FSTL4: variants seen among roughly 807,000 people sequenced by gnomAD.
FSTL4 encodes follistatin-related protein 4.
In FSTL4, 28 loss-of-function variants were observed where a neutral mutation model predicts 78.2. That is an observed-to-expected ratio of 0.36 (90% confidence interval 0.27 to 0.49). The LOEUF (loss-of-function observed/expected upper bound fraction) is 0.49, where lower values mean the gene tolerates loss of function less well. Ranked by LOEUF, FSTL4 falls within the 20% of genes least tolerant of loss-of-function variation. The pLI, the probability that FSTL4 is intolerant of heterozygous loss-of-function variation, is 0.98. For missense variants in FSTL4, 922 were observed against 1,084.9 expected, an observed-to-expected ratio of 0.85 and a Z score of 2.11; for synonymous variants, 422 against 440.5, an observed-to-expected ratio of 0.96 and a Z score of 0.53.
At chr5:133,794,833 C>T in the FSTL4 span, among the ~76,000 whole-genome samples, 1 of 152,108 alleles carries the variant, frequency 6.6e-6, no homozygotes, top group Admixed American at 6.5e-5. Context: ...AGCTAGCAGG[C>T]AGAAGACGGG....
chr5:133,819,501 G>A, the FSTL4 span, among the ~76,000 whole-genome samples: 1 of 152,162 alleles, frequency 6.6e-6, no homozygotes, highest in Non-Finnish European at 1.5e-5. Flanking sequence ...TCTGTGCAAC[G>A]ACACTCAGCC....
the FSTL4 span, among the ~76,000 whole-genome samples, chr5:133,767,917 G>A: frequency 6.6e-6 from 1 of 152,324 alleles, no homozygotes; most frequent in Non-Finnish European, 1.5e-5. Flanking sequence ...TAGAGAGAAT[G>A]CAGGACTGAA....
chr5:133,400,818 T>G lies in FSTL4; in HGVS notation c.329A>C (p.Asn110Thr). ...AGCAGCACGGTGGAGCTTACAGTGG[T>G]TTTCATAAAACCTCCCATCAGAGCC... ...VCGSDGRFYE[N>T]HCKLHRAACL... Residue 110 changes from asparagine (N) to threonine (T), a missense_variant, in exon 4 of 16, where the codon AAC becomes ACC. Transcript: ENST00000265342. The G allele has an allele frequency of 6.2e-7, 1 of 1,613,860 alleles. No homozygotes were observed. Among genetic ancestry groups the G allele is most frequent in the Non-Finnish European group, 8.5e-7 (1 of 1,179,974 alleles).
the FSTL4 span, among the ~76,000 whole-genome samples, chr5:133,674,448 C>T: frequency 3.3e-5 from 5 of 151,962 alleles, 1 homozygote; most frequent in East Asian, 9.7e-4. Flanking sequence ...CACAAAGTAA[C>T]CAAAAGAGAA....
At chr5:133,779,786 A>C in the FSTL4 span, among the ~76,000 whole-genome samples, 2 of 151,902 alleles carry the variant, frequency 1.3e-5, no homozygotes, top group South Asian at 2.1e-4. Flanking sequence ...TGGTCTTCTC[A>C]CTGTTCATGT....
the FSTL4 span, among the ~76,000 whole-genome samples, chr5:133,681,593 G>A: frequency 6.6e-6 from 1 of 152,174 alleles, no homozygotes; most frequent in African/African-American, 2.4e-5. Context: ...CTTGACAATT[G>A]TCATTGATAA....
At chr5:133,718,220 G>A in the FSTL4 span, among the ~76,000 whole-genome samples, 142 of 152,122 alleles carry the variant, frequency 9.3e-4, 1 homozygote, top group African/African-American at 3.3e-3. Context: ...AGCCTCCCGA[G>A]TGGTGTGTGC....
intron 14 of FSTL4, among the ~76,000 whole-genome samples, chr5:133,204,696 A>G (rs368280321): frequency 9.7e-4 from 147 of 152,070 alleles, no homozygotes; most frequent in African/African-American, 3.2e-3. Flanking sequence ...GCTGGGTGTA[A>G]TGGCATGTAC....
At chr5:133,636,788 G>A in the FSTL4 span, among the ~76,000 whole-genome samples, 20 of 152,056 alleles carry the variant, frequency 1.3e-4, no homozygotes, top group Middle Eastern at 3.2e-3. Flanking sequence ...TATGGTGCAG[G>A]GTGGTAGAAC....
the FSTL4 span, among the ~76,000 whole-genome samples, chr5:133,622,985 T>G: frequency 2.6e-5 from 4 of 152,270 alleles, no homozygotes; most frequent in Admixed American, 6.5e-5. Flanking sequence ...CCCAAAGATT[T>G]TCTCCACTTT....
chr5:133,754,823 C>T, the FSTL4 span, among the ~76,000 whole-genome samples: 1 of 152,164 alleles, frequency 6.6e-6, no homozygotes, highest in Non-Finnish European at 1.5e-5. Flanking sequence ...TAGAGCCTAC[C>T]GTTTAAGACA....
the FSTL4 span, among the ~76,000 whole-genome samples, chr5:133,741,486 C>T: frequency 1.3e-5 from 2 of 152,218 alleles, no homozygotes; most frequent in Admixed American, 6.5e-5. Context: ...AAAACTTTCT[C>T]GGCAGAGGGT....
intron 3 of FSTL4, among the ~76,000 whole-genome samples, chr5:133,431,806 A>G (rs998422372): frequency 6.6e-6 from 1 of 152,224 alleles, no homozygotes; most frequent in African/African-American, 2.4e-5. Context: ...CACACAAAAC[A>G]AAACGCATTG....
At chr5:133,512,952 G>T (rs977990414) in intron 3 of FSTL4, among the ~76,000 whole-genome samples, 1 of 152,128 alleles carries the variant, frequency 6.6e-6, no homozygotes, top group Non-Finnish European at 1.5e-5. Context: ...TGAGTAGCTG[G>T]GACTACAGGC....
the FSTL4 span, among the ~76,000 whole-genome samples, chr5:133,806,160 G>A: frequency 6.6e-6 from 1 of 152,174 alleles, no homozygotes; most frequent in Non-Finnish European, 1.5e-5. Context: ...AATGCTGCGA[G>A]GGTAGAGGCT....
intron 4 of FSTL4, among the ~76,000 whole-genome samples, chr5:133,375,644 TGTG>T (rs1755416448): frequency 6.6e-6 from 1 of 152,090 alleles, no homozygotes; most frequent in Non-Finnish European, 1.5e-5. Context: ...GGTGCTACTT[TGTG>T]ATAAAAATGT....
At chr5:133,692,244 G>C in the FSTL4 span, among the ~76,000 whole-genome samples, 9 of 152,294 alleles carry the variant, frequency 5.9e-5, no homozygotes, top group Admixed American at 1.3e-4. Context: ...AGGACAGCAT[G>C]AGTAGGGCAC....
chr5:133,686,041 C>T, the FSTL4 span, among the ~76,000 whole-genome samples: 5 of 152,172 alleles, frequency 3.3e-5, no homozygotes, highest in African/African-American at 9.7e-5. Flanking sequence ...TATGAGGCGC[C>T]CACAGGACAG....
At chr5:133,399,705 G>C (rs557235154) in intron 4 of FSTL4, among the ~76,000 whole-genome samples, 5 of 152,314 alleles carry the variant, frequency 3.3e-5, no homozygotes, top group African/African-American at 4.8e-5. Flanking sequence ...TTGTCTTCTA[G>C]TGTTGCAGGC....
Sources: gnomAD v4.1 joint callset for allele counts (sites outside exome capture counted in the v4.1 genomes callset) on GRCh38, gnomAD v4.1.1 for gene constraint, MANE v1.5 for transcripts, NCBI Gene and HGNC (gene_info 2026-07-23, HGNC 2026-07-21) for gene names.